The following SHQ1 variants were observed in gnomAD, a reference collection of about 807,000 sequenced individuals.
SHQ1 encodes SHQ1, H/ACA ribonucleoprotein assembly factor, also known as protein SHQ1 homolog.
A neutral mutation model predicts 53.8 loss-of-function variants in SHQ1; 49 were observed. That is an observed-to-expected ratio of 0.91 (90% CI 0.72 to 1.16). The LOEUF is 1.16. SHQ1 is among the 50% of genes most tolerant of loss of function. The pLI is 0.00. For synonymous variants in SHQ1, 243 were observed against 251.0 expected (o/e 0.97, Z 0.30); for missense variants, 738 against 683.1 (o/e 1.08, Z -0.90).
chr3:72,821,501 G>A (rs966045531), intron 6 of SHQ1, among the ~76,000 whole-genome samples: 1 of 152,140 alleles, frequency 6.6e-6, no homozygotes, highest in East Asian at 1.9e-4. Context: ...TGATGAAAAC[G>A]ACAAGAATTA....
chr3:72,824,829 C>T (rs1316719920), intron 5 of SHQ1, among the ~76,000 whole-genome samples: 8 of 148,772 alleles, frequency 5.4e-5, no homozygotes, highest in African/African-American at 2.0e-4. Flanking sequence ...AGATGGGTCT[C>T]ACTCTGTCAT....
chr3:72,839,009 G>A (rs1708080429), intron 4 of SHQ1, among the ~76,000 whole-genome samples: 3 of 150,272 alleles, frequency 2.0e-5, no homozygotes, highest in South Asian at 4.2e-4. Flanking sequence ...AAGAATTTCT[G>A]ACCTAAAAGG....
intron 10 of SHQ1, among the ~76,000 whole-genome samples, chr3:72,788,038 T>G (rs1340655628): frequency 1.3e-5 from 2 of 152,136 alleles, no homozygotes. Flanking sequence ...CAGGCTGGAG[T>G]GCAGTGGCGT....
chr3:72,768,164 C>T (rs2106733411), intron 10 of SHQ1, among the ~76,000 whole-genome samples: 1 of 152,314 alleles, frequency 6.6e-6, no homozygotes, highest in African/African-American at 2.4e-5. Context: ...CATTCCCTTG[C>T]TCAAAAACAG....
At chr3:72,765,558 T>TATATATATATATATATATATA (rs1491541493) in intron 10 of SHQ1, among the ~76,000 whole-genome samples, 9 of 63,456 alleles carry the variant, frequency 1.4e-4, no homozygotes, top group African/African-American at 8.6e-4. Context: ...TATATATATA[T>TATATATATATATATATATATA]TTTTTTTTTT....
chr3:72,846,242 T>C (rs867150077), intron 1 of SHQ1: 1 of 1,535,792 alleles, frequency 6.5e-7, no homozygotes, highest in African/African-American at 1.4e-5. Context: ...ACAGTCTCCA[T>C]TCTTCAAGGA....
chr3:72,839,605 A>T (rs1708099660), intron 4 of SHQ1, among the ~76,000 whole-genome samples: 1 of 152,132 alleles, frequency 6.6e-6, no homozygotes, highest in Non-Finnish European at 1.5e-5. Flanking sequence ...CCACTTTCCA[A>T]AGAGGAGACA....
chr3:72,788,751 T>A (rs1706337454), intron 10 of SHQ1, among the ~76,000 whole-genome samples: 1 of 152,222 alleles, frequency 6.6e-6, no homozygotes, highest in South Asian at 2.1e-4. Context: ...TCTTCTGCCT[T>A]GGGATGCTGT....
intron 10 of SHQ1, among the ~76,000 whole-genome samples, chr3:72,762,167 T>C (rs1199132772): frequency 6.6e-6 from 1 of 152,064 alleles, no homozygotes; most frequent in African/African-American, 2.4e-5. Flanking sequence ...ATCCATTTTT[T>C]GAGAAAAATA....
At chr3:72,828,736 A>T (rs1435668569) in intron 5 of SHQ1, among the ~76,000 whole-genome samples, 3 of 152,130 alleles carry the variant, frequency 2.0e-5, no homozygotes, top group Non-Finnish European at 4.4e-5. Flanking sequence ...AGGTGGGGAA[A>T]TGCAAACATT....
At chr3:72,761,852 C>T (rs1450297008) in intron 10 of SHQ1, among the ~76,000 whole-genome samples, 1 of 152,192 alleles carries the variant, frequency 6.6e-6, no homozygotes, top group Non-Finnish European at 1.5e-5. Flanking sequence ...TATGTGTGAA[C>T]TCACATACAG....
intron 4 of SHQ1, among the ~76,000 whole-genome samples, chr3:72,832,815 A>G (rs1420854135): frequency 6.6e-6 from 1 of 152,156 alleles, no homozygotes; most frequent in African/African-American, 2.4e-5. Context: ...CCATTTCCCC[A>G]TTTACACCTA....
At chr3:72,778,736 G>A (rs1706011950) in intron 10 of SHQ1, among the ~76,000 whole-genome samples, 1 of 152,128 alleles carries the variant, frequency 6.6e-6, no homozygotes, top group Non-Finnish European at 1.5e-5. Flanking sequence ...GGCAAATAAA[G>A]AAAACTGGCC....
At chr3:72,838,120 C>T (rs1708055696) in intron 4 of SHQ1, among the ~76,000 whole-genome samples, 1 of 152,194 alleles carries the variant, frequency 6.6e-6, no homozygotes, top group Non-Finnish European at 1.5e-5. Context: ...GGGGCAGCGC[C>T]CATATCCAAA....
At position 72,778,580 on chromosome 3, in the gene SHQ1, ATAT is replaced by A. The variant is rs566839716; in HGVS notation, c.1181+14333_1181+14335del. Among the ~76,000 whole-genome samples the A allele has an allele frequency of 7.5e-4, 115 of 152,352 alleles. No homozygotes were observed. In the Middle Eastern group the frequency reaches 0.014, roughly 18 times the overall value. On this transcript the variant is annotated intron_variant, in intron 10 of 10. Transcript: ENST00000325599. ...TTTGCATAATTTGTATACACTTCAAATATTATTGTATTTTATATTTCATAAGAA... is the reference window on the plus strand; with the variant it reads ...TTTGCATAATTTGTATACACTTCAAATATTGTATTTTATATTTCATAAGAA...
At chr3:72,827,436 G>C (rs763909753) in intron 5 of SHQ1, among the ~76,000 whole-genome samples, 63 of 152,004 alleles carry the variant, frequency 4.1e-4, no homozygotes, top group Non-Finnish European at 7.5e-4. Flanking sequence ...AAGAGTAAAG[G>C]AGCCTAACTG....
chr3:72,737,161 C>G, the SHQ1 span, among the ~76,000 whole-genome samples: 1 of 151,878 alleles, frequency 6.6e-6, no homozygotes, highest in African/African-American at 2.4e-5. Context: ...ATCTGTAGTC[C>G]TAGCTACTCA....
In SHQ1 at chr3:72,815,349, C is replaced by T; in HGVS notation, c.936+1G>A. On this transcript the variant is annotated splice_donor_variant, in intron 8 of 10. Transcript: ENST00000325599. LOFTEE classifies it high-confidence loss of function. ...TAAACAATTGCAACTGGAAATCATA[C>T]CTCAAACCAGCATAGTGTTGGACTC... 1 of 1,612,576 alleles carries T rather than the reference C, an allele frequency of 6.2e-7. No individual in the cohort carries two copies. The highest frequency in any genetic ancestry group is 8.5e-7 in the Non-Finnish European group (1 of 1,179,010).
intron 2 of SHQ1, among the ~76,000 whole-genome samples, chr3:72,844,059 T>C (rs1708256615): frequency 1.3e-5 from 2 of 152,368 alleles, no homozygotes; most frequent in South Asian, 4.1e-4. Context: ...TTATGATCAA[T>C]CATTTCACAT....
Sources: allele counts gnomAD v4.1 joint callset (sites outside exome capture counted in the v4.1 genomes callset), GRCh38; gene constraint gnomAD v4.1.1; transcripts MANE v1.5; gene names NCBI Gene and HGNC (gene_info 2026-07-23, HGNC 2026-07-21).